UBE4B: variants seen among roughly 807,000 people sequenced by gnomAD.
The protein encoded by UBE4B is ubiquitination factor E4B, also known as ubiquitin conjugation factor E4 B.
A neutral mutation model predicts 148.1 loss-of-function variants in UBE4B; 27 were observed. That is an observed-to-expected ratio of 0.18 (90% CI 0.13 to 0.25). The LOEUF is 0.25. Among genes scored for constraint, UBE4B ranks in the 10% least tolerant of loss-of-function variants. The pLI is 1.00. For synonymous variants in UBE4B, 596 were observed against 619.3 expected (o/e 0.96, Z 0.56); for missense variants, 1,170 against 1,662.4 (o/e 0.70, Z 5.15).
chr1:10,105,267 T>C (rs1327095752), intron 5 of UBE4B, among the ~76,000 whole-genome samples: 2 of 152,240 alleles, frequency 1.3e-5, no homozygotes, highest in Admixed American at 6.5e-5. Flanking sequence ...GGAGTTCCTA[T>C]ATATACTTTA....
At chr1:10,122,204 C>A in intron 10 of UBE4B, 128 bp downstream of exon 10, 1 of 564,712 alleles carries the variant, frequency 1.8e-6, no homozygotes, top group Non-Finnish European at 3.1e-6. Context: ...AAGGCCTACC[C>A]AATATTCTTT....
intron 10 of UBE4B, among the ~76,000 whole-genome samples, chr1:10,124,004 A>C (rs550800916): frequency 6.6e-6 from 1 of 152,010 alleles, no homozygotes; most frequent in South Asian, 2.1e-4. Context: ...TGAATTCCTG[A>C]TGTCAGGTGA....
chr1:10,136,920 CAAATAAAT>C lies in UBE4B; in HGVS notation c.2225-131_2225-124del, dbSNP rs372965293. The C allele has an allele frequency of 7.0e-5, 68 of 972,684 alleles. 2 individuals carry two copies. In the South Asian group the frequency reaches 1.1e-3, roughly 16 times the overall value. 60.3% of individuals were successfully genotyped at this position (972,684 alleles called of 1,614,324 possible). ...GGGTGACGAGAGCAAAAGTCCATCTCAAATAAATAAATAAATAAATAAACAAATAAAAA... is the reference window on the plus strand; with the variant it reads ...GGGTGACGAGAGCAAAAGTCCATCTCAAATAAATAAATAAACAAATAAAAA... On this transcript the variant is annotated intron_variant, in intron 16 of 27. Transcript: ENST00000343090.
At chr1:10,150,875 A>T (rs12402509) in intron 20 of UBE4B, among the ~76,000 whole-genome samples, 8 of 138,794 alleles carry the variant, frequency 5.8e-5, no homozygotes, top group African/African-American at 2.1e-4. Flanking sequence ...AAAAAAAAAA[A>T]AATAGGCTGG....
intron 23 of UBE4B, among the ~76,000 whole-genome samples, chr1:10,165,461 A>G (rs868358825): frequency 3.9e-5 from 6 of 152,200 alleles, no homozygotes; most frequent in Middle Eastern, 3.4e-3. Flanking sequence ...GGATGGTGTT[A>G]AACATCTCAG....
At chr1:10,132,575 G>A in intron 15 of UBE4B, 93 bp downstream of exon 15, 1 of 1,064,102 alleles carries the variant, frequency 9.4e-7, no homozygotes, top group Non-Finnish European at 1.4e-6. Context: ...TTCTAGGAGT[G>A]GGGGTACAGT....
At chr1:10,036,573 G>C (rs867936984) in intron 1 of UBE4B, among the ~76,000 whole-genome samples, 14 of 151,584 alleles carry the variant, frequency 9.2e-5, no homozygotes, top group Admixed American at 7.2e-4. Context: ...GACCTCAAGC[G>C]ATCCTCCCAC....
At chr1:10,175,457 C>T (rs867056870) in intron 25 of UBE4B, among the ~76,000 whole-genome samples, 18 of 151,398 alleles carry the variant, frequency 1.2e-4, no homozygotes, top group East Asian at 7.8e-4. Flanking sequence ...CGAGACCGTC[C>T]TGGCTAACAC....
At chr1:10,116,225 A>G (rs1294610925) in intron 7 of UBE4B, among the ~76,000 whole-genome samples, 2 of 152,070 alleles carry the variant, frequency 1.3e-5, no homozygotes, top group Non-Finnish European at 2.9e-5. Flanking sequence ...TCACTGCAAC[A>G]ACCTCCTCCC....
intron 2 of UBE4B, among the ~76,000 whole-genome samples, chr1:10,076,466 A>AC (rs1644583905): frequency 6.6e-6 from 1 of 151,270 alleles, no homozygotes; most frequent in Non-Finnish European, 1.5e-5. Context: ...CTGGTCTCGA[A>AC]CTCCTGACCT....
chr1:10,065,891 A>G (rs141429821), intron 1 of UBE4B, among the ~76,000 whole-genome samples: 2,233 of 152,312 alleles, frequency 0.015, 26 homozygotes, highest in Non-Finnish European at 0.021. Flanking sequence ...AAATGGAATC[A>G]TTATGTGTAC....
In UBE4B at chr1:10,127,833, G is replaced by A. The variant is rs544742744; in HGVS notation, c.1638+956G>A. The stretch of plus-strand genomic sequence containing the variant: ...CAAAAATAAGAGCTACAGCGCAACA[G>A]TTGAACAGATACTGTGATAAATGTT... On this transcript the variant is annotated intron_variant, in intron 11 of 27. Transcript: ENST00000343090. 2.0e-5 allele frequency among the ~76,000 whole-genome samples: 3 copies of A among 152,292 alleles called. No individual in the cohort carries two copies. The East Asian group carries it at 5.8e-4, about 29-fold the overall frequency.
intron 1 of UBE4B, among the ~76,000 whole-genome samples, chr1:10,036,633 A>G (rs1643546377): frequency 6.6e-6 from 1 of 152,038 alleles, no homozygotes; most frequent in African/African-American, 2.4e-5. Flanking sequence ...TGGGAAAAAT[A>G]TCTTTGAAGT....
At chr1:10,047,511 T>G (rs1311909547) in intron 1 of UBE4B, among the ~76,000 whole-genome samples, 2 of 144,096 alleles carry the variant, frequency 1.4e-5, no homozygotes, top group Non-Finnish European at 3.0e-5. Flanking sequence ...TTTTTTTTTT[T>G]GAGATGGAGT....
At chr1:10,157,264 G>T (rs1002494568) in intron 21 of UBE4B, among the ~76,000 whole-genome samples, 1 of 152,060 alleles carries the variant, frequency 6.6e-6, no homozygotes, top group African/African-American at 2.4e-5. Flanking sequence ...CAAGTGATCT[G>T]CCTGCCTCGG....
intron 10 of UBE4B, among the ~76,000 whole-genome samples, chr1:10,123,976 T>C (rs1031655929): frequency 5.3e-5 from 8 of 151,744 alleles, no homozygotes; most frequent in African/African-American, 1.9e-4. Flanking sequence ...GGTTTCACCA[T>C]GTTGGCCAGA....
chr1:10,141,008 G>A (rs1373214294), intron 17 of UBE4B, among the ~76,000 whole-genome samples: 6 of 152,070 alleles, frequency 3.9e-5, no homozygotes, highest in African/African-American at 1.4e-4. Context: ...CAGGGTCTCT[G>A]GTAGGTATAA....
At chr1:10,077,563 C>CAGTCTGGAAATGCCAAGT (rs1553140401) in intron 2 of UBE4B, among the ~76,000 whole-genome samples, 1 of 152,180 alleles carries the variant, frequency 6.6e-6, no homozygotes, top group Non-Finnish European at 1.5e-5. Flanking sequence ...ACATGGCAAG[C>CAGTCTGGAAATGCCAAGT]AGTCTGGAAA....
intron 2 of UBE4B, among the ~76,000 whole-genome samples, chr1:10,078,381 A>C (rs774544760): frequency 2.6e-5 from 4 of 152,186 alleles, no homozygotes; most frequent in Admixed American, 6.5e-5. Context: ...ATGGGAATGC[A>C]AAGATGAGTG....
Sources: gnomAD v4.1 joint callset for allele counts (sites outside exome capture counted in the v4.1 genomes callset) on GRCh38, gnomAD v4.1.1 for gene constraint, MANE v1.5 for transcripts, NCBI Gene and HGNC (gene_info 2026-07-23, HGNC 2026-07-21) for gene names.